FBXL7: variants seen among roughly 807,000 people sequenced by gnomAD.
The protein encoded by FBXL7 is F-box/LRR-repeat protein 7.
A neutral mutation model predicts 38.3 loss-of-function variants in FBXL7; 12 were observed. The observed-to-expected ratio is 0.31, with a 90% confidence interval of 0.20 to 0.51. The LOEUF is 0.51. Ranked by LOEUF, FBXL7 falls within the 20% of genes least tolerant of loss-of-function variation. The pLI, the probability that FBXL7 is intolerant of heterozygous loss-of-function variation, is 0.98. For synonymous variants in FBXL7, 297 were observed against 300.9 expected (o/e 0.99, Z 0.13); for missense variants, 567 against 676.4 (o/e 0.84, Z 1.79).
At chr5:15,642,162 A>G (rs371651733) in intron 2 of FBXL7, among the ~76,000 whole-genome samples, 27 of 152,300 alleles carry the variant, frequency 1.8e-4, no homozygotes, top group South Asian at 4.1e-4. Context: ...TCTCAGGGAC[A>G]TTCTAACCCA....
chr5:15,840,883 G>T (rs1379639921), intron 2 of FBXL7, among the ~76,000 whole-genome samples: 2 of 148,358 alleles, frequency 1.3e-5, no homozygotes, highest in Non-Finnish European at 3.0e-5. Context: ...AGATTGTTAA[G>T]TAACATTTTG....
intron 2 of FBXL7, among the ~76,000 whole-genome samples, chr5:15,885,374 G>A (rs1201485655): frequency 6.6e-6 from 1 of 152,182 alleles, no homozygotes; most frequent in Admixed American, 6.5e-5. Flanking sequence ...CCTTGGAAGT[G>A]ACATCTTACC....
chr5:15,759,965 T>C (rs1182981054), intron 2 of FBXL7, among the ~76,000 whole-genome samples: 2 of 152,216 alleles, frequency 1.3e-5, no homozygotes, highest in African/African-American at 4.8e-5. Context: ...AACATTTTAC[T>C]AGGTGGAATC....
Position 15,596,200 on chromosome 5 carries a change from G to A in FBXL7, c.38-19783G>A, listed in dbSNP as rs13184246. Among the ~76,000 whole-genome samples, 20 of 152,264 alleles carry A rather than the reference G, an allele frequency of 1.3e-4. No homozygotes were observed. In the East Asian group the frequency reaches 1.4e-3, roughly 10 times the overall value. ...CAGAATGAATGGTCATGCCAAAACC[G>A]GGCTAAGGTATGCTTCTGAAATAAC... On this transcript the variant is annotated intron_variant, in intron 1 of 3. Coordinates refer to ENST00000504595, the MANE Select transcript of FBXL7 (RefSeq NM_012304.5).
Position 15,509,512 on chromosome 5 carries a change from A to C in FBXL7, c.37+8799A>C, listed in dbSNP as rs1002343525. Among the ~76,000 whole-genome samples, 15 of 152,196 alleles carry C rather than the reference A, an allele frequency of 9.9e-5. No individual in the cohort carries two copies. The East Asian group carries it at 2.9e-3, about 29-fold the overall frequency. On this transcript the variant is annotated intron_variant, in intron 1 of 3. Transcript: ENST00000504595. Reference sequence around the variant, plus strand: ...AAGTGGGAAGTGCGCCTAAGAATTGAGTTACCCTCTAAGTAATGACAACCC... The same window carrying C: ...AAGTGGGAAGTGCGCCTAAGAATTGCGTTACCCTCTAAGTAATGACAACCC...
chr5:15,843,355 C>T (rs377508991), intron 2 of FBXL7, among the ~76,000 whole-genome samples: 2 of 152,276 alleles, frequency 1.3e-5, no homozygotes, highest in East Asian at 3.9e-4. Flanking sequence ...GTCTTTCTGG[C>T]TTTCCTGTCT....
At chr5:15,553,904 G>T (rs569840130) in intron 1 of FBXL7, among the ~76,000 whole-genome samples, 1 of 152,206 alleles carries the variant, frequency 6.6e-6, no homozygotes, top group East Asian at 1.9e-4. Context: ...CAGTGGGTGG[G>T]ACTCTCATCT....
chr5:15,849,690 T>G (rs1000713541), intron 2 of FBXL7, among the ~76,000 whole-genome samples: 1 of 152,230 alleles, frequency 6.6e-6, no homozygotes. Flanking sequence ...TGTGTCTTTA[T>G]TAGCAGAGTG....
rs192683929 is a variant in FBXL7 at position 15,898,358 on chromosome 5, G to T, written c.128-29532G>T. The stretch of plus-strand genomic sequence containing the variant: ...AACATGACGAAAAGGCCTAAGCAAT[G>T]GTCACCAAAAACCTGGTAGTGATAT... On this transcript the variant is annotated intron_variant, in intron 2 of 3. Coordinates refer to ENST00000504595, the MANE Select transcript of FBXL7 (RefSeq NM_012304.5). 2.6e-3 allele frequency among the ~76,000 whole-genome samples: 402 copies of T among 152,230 alleles called. 9 individuals carry two copies. The highest frequency in any genetic ancestry group is 2.6e-4 in the Non-Finnish European group (18 of 68,028).
At chr5:15,510,760 A>G (rs929327286) in intron 1 of FBXL7, among the ~76,000 whole-genome samples, 1 of 152,226 alleles carries the variant, frequency 6.6e-6, no homozygotes, top group African/African-American at 2.4e-5. Context: ...AGTTTATTCC[A>G]TTTTCAATCA....
intron 2 of FBXL7, among the ~76,000 whole-genome samples, chr5:15,772,897 CTTTG>C (rs1736764744): frequency 6.9e-6 from 1 of 145,034 alleles, no homozygotes; most frequent in Admixed American, 6.9e-5. Context: ...AATTGTGAGA[CTTTG>C]TTTTTTTTTT....
intron 2 of FBXL7, among the ~76,000 whole-genome samples, chr5:15,650,708 C>T (rs1741679625): frequency 6.6e-6 from 1 of 152,228 alleles, no homozygotes; most frequent in South Asian, 2.1e-4. Context: ...ACAACGTCCA[C>T]AGACTTTTCA....
intron 3 of FBXL7, among the ~76,000 whole-genome samples, chr5:15,933,692 G>A (rs1270204482): frequency 6.6e-6 from 1 of 152,148 alleles, no homozygotes; most frequent in Non-Finnish European, 1.5e-5. Flanking sequence ...TTAGTAGCAC[G>A]TGGTTTTTGA....
chr5:15,924,815 C>T (rs371349797), intron 2 of FBXL7, among the ~76,000 whole-genome samples: 4 of 152,198 alleles, frequency 2.6e-5, no homozygotes, highest in South Asian at 2.1e-4. Flanking sequence ...TTAGTAGAGA[C>T]AGGTTTTTGC....
At chr5:15,885,922 T>C (rs921746024) in intron 2 of FBXL7, among the ~76,000 whole-genome samples, 1 of 152,042 alleles carries the variant, frequency 6.6e-6, no homozygotes, top group African/African-American at 2.4e-5. Flanking sequence ...GGTTTCACCG[T>C]GTAGCCCAGG....
In FBXL7 at chr5:15,616,036, C is replaced by T. The variant is rs1303481615; in HGVS notation, c.91C>T (p.Pro31Ser). ...SDVSSSTDHT[P>S]TKAQKNVATS... is the part of the protein sequence containing the mutation. Reference sequence around the variant, plus strand: ...CGTGAGTTCAAGTACAGATCACACGCCCACTAAAGCCCAGAAGAATGTGGC... The same window carrying T: ...CGTGAGTTCAAGTACAGATCACACGTCCACTAAAGCCCAGAAGAATGTGGC... Residue 31 changes from proline (P) to serine (S), a missense_variant, in exon 2 of 4, where the codon CCC (proline) becomes TCC (serine). Physicochemically the swap from Pro to Ser is moderately conservative, Grantham distance 74 (BLOSUM62 -1). Transcript: ENST00000504595. The T allele has an allele frequency of 6.2e-7, 1 of 1,613,440 alleles. No homozygotes were observed.
At chr5:15,927,303 A>G (rs1741900390) in intron 2 of FBXL7, among the ~76,000 whole-genome samples, 1 of 152,006 alleles carries the variant, frequency 6.6e-6, no homozygotes, top group African/African-American at 2.4e-5. Flanking sequence ...TTAATATCTG[A>G]CCCTGTTCAT....
chr5:15,527,829 C>T (rs1310729313), intron 1 of FBXL7, among the ~76,000 whole-genome samples: 4 of 152,168 alleles, frequency 2.6e-5, no homozygotes, highest in Non-Finnish European at 4.4e-5. Context: ...CATAATACTG[C>T]CTTAACCGAA....
Position 15,500,556 on chromosome 5 carries a change from G to T in FBXL7, c.-121G>T. The T allele has an allele frequency of 1.4e-6, 2 of 1,415,348 alleles. No individual in the cohort carries two copies. Among genetic ancestry groups the T allele is most frequent in the Non-Finnish European group, 2.0e-6 (2 of 999,762 alleles). 87.7% of individuals were successfully genotyped at this position (1,415,348 alleles called of 1,614,324 possible). A position where few individuals can be genotyped will look rare whatever the true frequency, so the allele number is the denominator to read the frequency against. On this transcript the variant is annotated 5_prime_UTR_variant, in exon 1 of 4. Coordinates refer to ENST00000504595, the MANE Select transcript of FBXL7 (RefSeq NM_012304.5). ...CTCTCCAGGCCGGAGGTCGGCCCCG[G>T]AGCTTGGGGGGGATGTGCAGCTAAC...
Sources: allele counts gnomAD v4.1 joint callset (sites outside exome capture counted in the v4.1 genomes callset), GRCh38; gene constraint gnomAD v4.1.1; transcripts MANE v1.5; gene names NCBI Gene and HGNC (gene_info 2026-07-23, HGNC 2026-07-21).